The following TACC2 variants were observed in gnomAD, a reference collection of about 807,000 sequenced individuals.
The protein encoded by TACC2 is transforming acidic coiled-coil-containing protein 2.
A neutral mutation model predicts 227.3 loss-of-function variants in TACC2; 137 were observed. That is an observed-to-expected ratio of 0.60 (90% CI 0.52 to 0.69). The LOEUF (loss-of-function observed/expected upper bound fraction) is 0.69. TACC2 is among the 30% of genes least tolerant of loss of function. TACC2 has a pLI of 0.00. For synonymous variants in TACC2, 1,523 were observed against 1,487.5 expected, an observed-to-expected ratio of 1.02 and a Z score of -0.55; for missense variants, 3,470 against 3,694.4, an observed-to-expected ratio of 0.94 and a Z score of 1.57.
intron 11 of TACC2, among the ~76,000 whole-genome samples, chr10:122,220,560 G>GAC (rs1162364352): frequency 6.6e-6 from 1 of 152,216 alleles, no homozygotes; most frequent in Non-Finnish European, 1.5e-5. Flanking sequence ...AGCAGCACCA[G>GAC]ACACACACCC....
chr10:122,216,031 C>T (rs2141124062), intron 10 of TACC2, among the ~76,000 whole-genome samples: 1 of 152,312 alleles, frequency 6.6e-6, no homozygotes, highest in South Asian at 2.1e-4. Context: ...TAAAACAAAA[C>T]AGACCTGCCA....
intron 3 of TACC2, among the ~76,000 whole-genome samples, chr10:122,080,079 G>A (rs1028497956): frequency 1.3e-5 from 2 of 152,210 alleles, no homozygotes; most frequent in Non-Finnish European, 2.9e-5. Context: ...GAGGCTGGAA[G>A]TCCTGGTCAG....
Position 122,141,657 on chromosome 10 carries a change from G to A in TACC2, c.5700-1915G>A, listed in dbSNP as rs879465205. Among the ~76,000 whole-genome samples the A allele has an allele frequency of 1.3e-5, 2 of 152,180 alleles. No individual in the cohort carries two copies. Among genetic ancestry groups the A allele is most frequent in the Admixed American group, 6.5e-5 (1 of 15,292 alleles). ...AGCTGGCTTTGTTGTGATTAGCAGC[G>A]GGCCACAGATCTAAGGTAGCATCTC... On this transcript the variant is annotated intron_variant, in intron 6 of 22. Transcript: ENST00000369005. The surrounding 1 kb of genome is among the most constrained non-coding windows in gnomAD (Gnocchi z 4.3).
chr10:122,014,227 A>ATTTTT (rs397731091), intron 1 of TACC2, among the ~76,000 whole-genome samples: 5,474 of 145,098 alleles, frequency 0.038, 126 homozygotes, highest in African/African-American at 0.046. Flanking sequence ...GACCTGTGTA[A>ATTTTT]TTTTTTTTTT....
At chr10:122,170,852 A>G (rs1052862834) in intron 7 of TACC2, among the ~76,000 whole-genome samples, 1 of 152,094 alleles carries the variant, frequency 6.6e-6, no homozygotes. Context: ...TCAGAGACTT[A>G]GCACACTCCA....
intron 8 of TACC2, among the ~76,000 whole-genome samples, chr10:122,196,312 G>A (rs959123311): frequency 6.6e-6 from 1 of 152,180 alleles, no homozygotes; most frequent in African/African-American, 2.4e-5. Context: ...GCAAACCCCC[G>A]TGCTGGGACA....
At chr10:122,006,916 C>T (rs1955239708) in intron 1 of TACC2, among the ~76,000 whole-genome samples, 3 of 142,312 alleles carry the variant, frequency 2.1e-5, no homozygotes, top group Non-Finnish European at 3.0e-5. Context: ...GGCTGGAGTG[C>T]AATGGCGTGA....
At chr10:122,076,143 G>C (rs1213360683) in intron 3 of TACC2, among the ~76,000 whole-genome samples, 2 of 152,092 alleles carry the variant, frequency 1.3e-5, no homozygotes, top group African/African-American at 4.8e-5. Context: ...CAAGGGCAAG[G>C]GGCTGCTCCT....
intron 2 of TACC2, among the ~76,000 whole-genome samples, chr10:122,031,790 C>T (rs1195905207): frequency 2.0e-5 from 3 of 151,826 alleles, no homozygotes; most frequent in East Asian, 1.9e-4. Flanking sequence ...CTGCAACCAC[C>T]GCCTCCCAGG....
At chr10:122,113,267 TCAGAAGATGGGCGCCCGAAGGA>T (rs1345297094) in intron 5 of TACC2, 1 of 152,006 alleles carries the variant, frequency 6.6e-6, no homozygotes, top group Non-Finnish European at 1.5e-5. Flanking sequence ...GCGGCCGGGG[TCAGAAGATGGGCGCCCGAAGGA>T]CCTTGGCCCC....
intron 1 of TACC2, among the ~76,000 whole-genome samples, chr10:121,997,016 G>C (rs1017741413): frequency 6.6e-6 from 1 of 152,016 alleles, no homozygotes; most frequent in Admixed American, 6.6e-5. Context: ...GTGGGATTTT[G>C]CAGCAGCTCG....
At chr10:122,229,563 A>G in intron 15 of TACC2, 77 bp downstream of exon 15, 1 of 1,540,020 alleles carries the variant, frequency 6.5e-7, no homozygotes, top group East Asian at 2.3e-5. Context: ...CCCAAATGAA[A>G]TAAGGCAGGA....
intron 5 of TACC2, among the ~76,000 whole-genome samples, chr10:122,104,125 A>G (rs1157096679): frequency 6.6e-6 from 1 of 152,198 alleles, no homozygotes; most frequent in African/African-American, 2.4e-5. Flanking sequence ...TAAATACTTG[A>G]TGAATGACTT....
chr10:122,052,697 A>AAC (rs386372697), intron 3 of TACC2: 2 of 150,480 alleles, frequency 1.3e-5, no homozygotes, highest in Non-Finnish European at 3.0e-5. Context: ...AAAAAAAAAA[A>AAC]ACAAACAGGT....
At chr10:122,156,425 C>T (rs958283837) in intron 7 of TACC2, among the ~76,000 whole-genome samples, 5 of 151,792 alleles carry the variant, frequency 3.3e-5, no homozygotes, top group African/African-American at 9.7e-5. Context: ...GAGGTTTCAC[C>T]GTGTTAGCCA....
In TACC2 at chr10:122,249,161, CATTT is replaced by C; in HGVS notation, c.8660+7_8660+10del. On this transcript the variant is annotated splice_donor_region_variant and intron_variant, in intron 21 of 22. Coordinates refer to ENST00000369005, the MANE Select transcript of TACC2 (RefSeq NM_206862.4). ...CGCGGAGGAGAAACTGGACAGGTAA[CATTT>C]AGCCACTGGGGGTGGCTCCCAGGGG... 1 of 1,603,636 alleles carries C rather than the reference CATTT, an allele frequency of 6.2e-7. No individual in the cohort carries two copies. The highest frequency in any genetic ancestry group is 1.7e-4 in the Middle Eastern group (1 of 6,046).
intron 7 of TACC2, chr10:122,192,742 G>A (rs1219064288): frequency 2.2e-6 from 1 of 456,726 alleles, no homozygotes; most frequent in East Asian, 7.0e-5. Context: ...GTGGACAGCG[G>A]TGACCAGCAG....
At chr10:122,184,770 T>A (rs114739202) in intron 7 of TACC2, among the ~76,000 whole-genome samples, 2,669 of 152,316 alleles carry the variant, frequency 0.018, 78 homozygotes, top group African/African-American at 0.057. Context: ...TGAAATAAGC[T>A]CATATTATAT....
At chr10:122,022,112 C>A in intron 2 of TACC2, 98 bp downstream of exon 2, 1 of 1,211,360 alleles carries the variant, frequency 8.3e-7, no homozygotes, top group Non-Finnish European at 1.2e-6. Flanking sequence ...CAGGAAGGAG[C>A]AAACAAGACA....
Sources: gnomAD v4.1 joint callset for allele counts (sites outside exome capture counted in the v4.1 genomes callset) on GRCh38, gnomAD v4.1.1 for gene constraint, Gnocchi (gnomAD v3.1) non-coding constraint, MANE v1.5 for transcripts, NCBI Gene and HGNC (gene_info 2026-07-23, HGNC 2026-07-21) for gene names.